DCDC2C: variants seen among roughly 807,000 people sequenced by gnomAD.
DCDC2C encodes the protein doublecortin domain-containing protein 2C.
DCDC2C carries 44 observed loss-of-function variants against 45.0 expected under a neutral mutation model. The observed-to-expected ratio is 0.98, with a 90% CI of 0.77 to 1.26. The LOEUF (loss-of-function observed/expected upper bound fraction) is 1.26. DCDC2C is among the 50% of genes most tolerant of loss of function. The pLI, the probability that DCDC2C is intolerant of heterozygous loss-of-function variation, is 0.00. For synonymous variants in DCDC2C, 187 were observed against 178.8 expected (o/e 1.05, Z -0.37); for missense variants, 447 against 468.9 (o/e 0.95, Z 0.43).
chr2:3,747,694 CCTTT>C (rs1186638561), intron 4 of DCDC2C, among the ~76,000 whole-genome samples: 2 of 152,192 alleles, frequency 1.3e-5, no homozygotes, highest in African/African-American at 4.8e-5. Flanking sequence ...ACATACAGAA[CCTTT>C]CTTTATTTGT....
rs1042639422 is a variant in DCDC2C at position 3,778,853 on chromosome 2, A to G, written c.992A>G (p.His331Arg). The change falls in exon 9 of 11, where the codon CAT (histidine) becomes CGT (arginine). Residue 331 changes from histidine (H) to arginine (R), a missense_variant. Coordinates refer to ENST00000399143, the MANE Select transcript of DCDC2C (RefSeq NM_001287444.2). ...ATAGTTAAAGAAGATGAAGAGATAC[A>G]TGAGAACACCCCTGATTTTGAGGGC... is the stretch of plus-strand genomic sequence containing the variant. ...AEIVKEDEEIHENTPDFEGNK... is the reference protein window; with the variant it reads ...AEIVKEDEEIRENTPDFEGNK... The G allele has an allele frequency of 1.9e-6, 3 of 1,551,148 alleles. No homozygotes were observed. Among genetic ancestry groups the G allele is most frequent in the Non-Finnish European group, 2.6e-6 (3 of 1,147,110 alleles).
intron 10 of DCDC2C, among the ~76,000 whole-genome samples, chr2:3,816,086 G>A (rs1037912990): frequency 6.6e-6 from 1 of 152,160 alleles, no homozygotes; most frequent in African/African-American, 2.4e-5. Flanking sequence ...AACCTAGAGT[G>A]GGAGAGATTA....
intron 3 of DCDC2C, among the ~76,000 whole-genome samples, chr2:3,737,501 C>T (rs780696455): frequency 4.6e-5 from 7 of 152,254 alleles, no homozygotes; most frequent in South Asian, 2.1e-4. Flanking sequence ...CAATGTATTT[C>T]GGAGAGAAAC....
intron 10 of DCDC2C, among the ~76,000 whole-genome samples, chr2:3,836,720 G>GTT (rs1672083795): frequency 1.3e-5 from 2 of 152,124 alleles, no homozygotes; most frequent in African/African-American, 4.8e-5. Context: ...AAATTAGCCG[G>GTT]GCACGGTGGC....
At chr2:3,737,356 G>A (rs777733652) in intron 3 of DCDC2C, among the ~76,000 whole-genome samples, 55 of 152,336 alleles carry the variant, frequency 3.6e-4, no homozygotes, top group Non-Finnish European at 7.2e-4. Context: ...AGGGGAGGGC[G>A]CAGGCGGCCA....
At chr2:3,755,987 C>T (rs1054573869) in intron 6 of DCDC2C, among the ~76,000 whole-genome samples, 2 of 150,864 alleles carry the variant, frequency 1.3e-5, no homozygotes, top group African/African-American at 4.9e-5. Flanking sequence ...CATGGGTATT[C>T]ATATGGAAAC....
Position 3,734,799 on chromosome 2 carries a change from A to T in DCDC2C, c.417-7121A>T, listed in dbSNP as rs530853029. ...ACTCCAAGACATGATCCTCTCCTTCATGCACAAGGAAGGACAAAGGCAGGG... is the reference window on the plus strand; with the variant it reads ...ACTCCAAGACATGATCCTCTCCTTCTTGCACAAGGAAGGACAAAGGCAGGG... On this transcript the variant is annotated intron_variant, in intron 3 of 10. Coordinates refer to ENST00000399143, the MANE Select transcript of DCDC2C (RefSeq NM_001287444.2). The surrounding 1 kb of genome is among the most constrained non-coding windows in gnomAD (Gnocchi z 4.2). 1.7e-4 allele frequency among the ~76,000 whole-genome samples: 26 copies of T among 152,284 alleles called. No homozygotes were observed. The highest frequency in any genetic ancestry group is 6.3e-4 in the African/African-American group (26 of 41,548).
At chr2:3,842,402 G>T (rs898341779) in intron 10 of DCDC2C, among the ~76,000 whole-genome samples, 5 of 151,950 alleles carry the variant, frequency 3.3e-5, no homozygotes, top group African/African-American at 4.8e-5. Context: ...ATTGGGAAGG[G>T]CTTGTAGGAA....
intron 4 of DCDC2C, among the ~76,000 whole-genome samples, chr2:3,750,262 G>T (rs1669506353): frequency 6.6e-6 from 1 of 152,122 alleles, no homozygotes; most frequent in African/African-American, 2.4e-5. Flanking sequence ...CTATGATCAA[G>T]AATTGAATTT....
chr2:3,755,591 A>G (rs932130778), intron 6 of DCDC2C, among the ~76,000 whole-genome samples: 3 of 152,076 alleles, frequency 2.0e-5, no homozygotes, highest in African/African-American at 4.8e-5. Flanking sequence ...ATATGGATGT[A>G]TATGTGTGTA....
At chr2:3,822,351 TTG>T (rs1671709919) in intron 10 of DCDC2C, among the ~76,000 whole-genome samples, 1 of 152,196 alleles carries the variant, frequency 6.6e-6, no homozygotes, top group Admixed American at 6.5e-5. Flanking sequence ...TTTCAGTAGT[TTG>T]TGTCTTTCTA....
intron 4 of DCDC2C, among the ~76,000 whole-genome samples, chr2:3,743,061 T>C (rs1669261440): frequency 6.6e-6 from 1 of 152,038 alleles, no homozygotes; most frequent in Non-Finnish European, 1.5e-5. Flanking sequence ...ATGGGAAAAA[T>C]ATCCCATGCA....
rs565722454 is a variant in DCDC2C at position 3,711,895 on chromosome 2, C to T, written c.339+3295C>T. 2.1e-4 allele frequency among the ~76,000 whole-genome samples: 32 copies of T among 152,328 alleles called. No individual in the cohort carries two copies. In the South Asian group the frequency reaches 6.6e-3, roughly 32 times the overall value. ...CAGCGTGTGAGATGCCCAACACCAC[C>T]CTCTGGGGTCGTGGGGATGGAGCAG... is the stretch of plus-strand genomic sequence containing the variant. On this transcript the variant is annotated intron_variant, in intron 2 of 10. Coordinates refer to ENST00000399143, the MANE Select transcript of DCDC2C (RefSeq NM_001287444.2).
intron 8 of DCDC2C, among the ~76,000 whole-genome samples, chr2:3,774,327 T>G (rs996837306): frequency 6.6e-6 from 1 of 152,372 alleles, no homozygotes; most frequent in Middle Eastern, 3.4e-3. Flanking sequence ...GAGAAGTGGT[T>G]TAAACAATCA....
chr2:3,749,212 A>G (rs779806703), intron 4 of DCDC2C, among the ~76,000 whole-genome samples: 1 of 152,210 alleles, frequency 6.6e-6, no homozygotes, highest in South Asian at 2.1e-4. Context: ...ATGTTTTCCA[A>G]TTTAAAAAAC....
intron 10 of DCDC2C, among the ~76,000 whole-genome samples, chr2:3,845,661 C>T (rs566058742): frequency 7.0e-6 from 1 of 142,040 alleles, no homozygotes; most frequent in African/African-American, 2.5e-5. Flanking sequence ...CTAGAGAGCA[C>T]ATCTACTTTG....
At chr2:3,755,645 A>G (rs942741165) in intron 6 of DCDC2C, among the ~76,000 whole-genome samples, 1 of 151,864 alleles carries the variant, frequency 6.6e-6, no homozygotes, top group African/African-American at 2.4e-5. Flanking sequence ...ATGACTACAT[A>G]TGTGTGTGTA....
At chr2:3,726,269 G>T (rs1446460067) in intron 2 of DCDC2C, among the ~76,000 whole-genome samples, 3 of 152,086 alleles carry the variant, frequency 2.0e-5, no homozygotes. Context: ...AGCCTTGTGG[G>T]TGGGACCAGG....
intron 3 of DCDC2C, among the ~76,000 whole-genome samples, chr2:3,738,605 TC>T (rs1383820748): frequency 6.8e-6 from 1 of 147,432 alleles, no homozygotes; most frequent in East Asian, 2.0e-4. Context: ...CTCTAGTGAT[TC>T]CCCCAGAGGG....
Sources: gnomAD v4.1 joint callset for allele counts (sites outside exome capture counted in the v4.1 genomes callset) on GRCh38, gnomAD v4.1.1 for gene constraint, Gnocchi (gnomAD v3.1) non-coding constraint, MANE v1.5 for transcripts, NCBI Gene and HGNC (gene_info 2026-07-23, HGNC 2026-07-21) for gene names.